DGLUCY: variants seen among roughly 807,000 people sequenced by gnomAD.
DGLUCY encodes D-glutamate cyclase, mitochondrial.
DGLUCY carries 58 observed loss-of-function variants against 58.5 expected under a neutral mutation model. That is an observed-to-expected ratio of 0.99 (90% CI 0.80 to 1.23). The LOEUF (loss-of-function observed/expected upper bound fraction) is 1.23, where lower values mean the gene tolerates loss of function less well. Ranked by LOEUF, DGLUCY falls within the 50% of genes most tolerant of loss-of-function variation. DGLUCY has a pLI of 0.00. For missense variants in DGLUCY, 779 were observed against 784.7 expected, an observed-to-expected ratio of 0.99 and a Z score of 0.09; for synonymous variants, 325 against 314.1, an observed-to-expected ratio of 1.03 and a Z score of -0.37.
chr14:91,180,767 G>A (rs552853477), intron 7 of DGLUCY, among the ~76,000 whole-genome samples: 4 of 152,150 alleles, frequency 2.6e-5, no homozygotes, highest in Admixed American at 6.6e-5. Flanking sequence ...AAATAGAAAC[G>A]ATGCCATAAG....
At chr14:91,072,863 G>A (rs922913031) in intron 1 of DGLUCY, among the ~76,000 whole-genome samples, 2 of 151,948 alleles carry the variant, frequency 1.3e-5, no homozygotes. Context: ...CAAAAAATTA[G>A]CTGGGCACGG....
rs1178838202 is a variant in DGLUCY, at chr14:91,147,150, T to C, written c.-81-10489T>C. On this transcript the variant is annotated intron_variant, in intron 1 of 13. Coordinates refer to ENST00000256324, the MANE Select transcript of DGLUCY (RefSeq NM_001102368.3). The stretch of plus-strand genomic sequence containing the variant: ...TTGCCTTTGCCTAGTGAAGCAATTA[T>C]CTTGGCCAACAGTGACCTCAAAAGT... 2.0e-5 allele frequency among the ~76,000 whole-genome samples: 3 copies of C among 152,220 alleles called. No homozygotes were observed. In the East Asian group the frequency reaches 5.8e-4, roughly 29 times the overall value.
At chr14:91,211,025 A>G (rs1885602308) in intron 12 of DGLUCY, among the ~76,000 whole-genome samples, 1 of 152,256 alleles carries the variant, frequency 6.6e-6, no homozygotes, top group African/African-American at 2.4e-5. Context: ...TGCAAGATAC[A>G]AAGTTAAATA....
At chr14:91,070,408 AAC>A (rs1286529064) in intron 1 of DGLUCY, among the ~76,000 whole-genome samples, 2 of 152,194 alleles carry the variant, frequency 1.3e-5, no homozygotes, top group Non-Finnish European at 2.9e-5. Context: ...CAGATTTGGA[AAC>A]ACACTAAAGT....
At chr14:91,068,894 A>G (rs2043870728) in intron 1 of DGLUCY, among the ~76,000 whole-genome samples, 1 of 152,228 alleles carries the variant, frequency 6.6e-6, no homozygotes, top group South Asian at 2.1e-4. Context: ...GAGTCAATGT[A>G]CAGTGCCTAC....
intron 1 of DGLUCY, among the ~76,000 whole-genome samples, chr14:91,084,450 C>A (rs767184792): frequency 6.6e-6 from 1 of 152,052 alleles, no homozygotes; most frequent in Non-Finnish European, 1.5e-5. Context: ...AGTGACCCAC[C>A]CATCTTGGCC....
chr14:91,069,795 G>T (rs2043885224), intron 1 of DGLUCY, among the ~76,000 whole-genome samples: 1 of 129,372 alleles, frequency 7.7e-6, no homozygotes. Context: ...ATAATGATAT[G>T]CCTCTTTTTT....
Position 91,215,417 on chromosome 14 carries a change from G to A in DGLUCY, c.1577G>A (p.Trp526Ter), listed in dbSNP as rs768309730. ...DFAVIAGVSNWGGYALACALY... is the reference protein window; with the variant it reads ...DFAVIAGVSN ...TTTGCTGTTCTAGGTGTTTCTAACT[G>A]GGGAGGCTATGCCCTGGCCTGCGCA... The change falls in exon 13 of 14, where the codon TGG becomes TAG. Residue 526 changes from tryptophan (W) to a stop codon, truncating the protein, a stop_gained. Coordinates refer to ENST00000256324, the MANE Select transcript of DGLUCY (RefSeq NM_001102368.3). LOFTEE classifies it high-confidence loss of function. The A allele has an allele frequency of 6.2e-7, 1 of 1,604,842 alleles. No homozygotes were observed. The highest frequency in any genetic ancestry group is 8.5e-7 in the Non-Finnish European group (1 of 1,173,398).
chr14:91,080,590 C>T (rs1275582543), intron 1 of DGLUCY, among the ~76,000 whole-genome samples: 1 of 152,068 alleles, frequency 6.6e-6, no homozygotes, highest in African/African-American at 2.4e-5. Context: ...AGGCTGTTCT[C>T]GAACTCCTGA....
chr14:91,111,564 A>G (rs892555838), upstream of DGLUCY, among the ~76,000 whole-genome samples: 5 of 152,154 alleles, frequency 3.3e-5, no homozygotes, highest in African/African-American at 1.2e-4. Flanking sequence ...TACAGGCATG[A>G]GTCACTGTGC....
chr14:91,129,570 T>C (rs2045915024), intron 1 of DGLUCY, among the ~76,000 whole-genome samples: 1 of 149,418 alleles, frequency 6.7e-6, no homozygotes, highest in African/African-American at 2.5e-5. Flanking sequence ...ACCCCTTCAC[T>C]ACAAAATTAA....
At chr14:91,212,659 G>A (rs183538606) in intron 12 of DGLUCY, among the ~76,000 whole-genome samples, 1,639 of 151,946 alleles carry the variant, frequency 0.011, 19 homozygotes, top group Admixed American at 0.024. Context: ...CTATGATTGC[G>A]CCACTGCACT....
intron 1 of DGLUCY, among the ~76,000 whole-genome samples, chr14:91,085,587 T>C: frequency 6.7e-6 from 1 of 149,920 alleles, no homozygotes; most frequent in African/African-American, 2.5e-5. Context: ...TTAGTATGTG[T>C]GTGACGGAGT....
intron 9 of DGLUCY, among the ~76,000 whole-genome samples, chr14:91,192,719 G>A (rs1017697249): frequency 2.6e-5 from 4 of 152,150 alleles, no homozygotes; most frequent in Non-Finnish European, 2.9e-5. Context: ...CACAAGAATC[G>A]CTTGAACCCT....
chr14:91,221,455 A>T (rs1342725063), intron 13 of DGLUCY, among the ~76,000 whole-genome samples: 1 of 150,928 alleles, frequency 6.6e-6, no homozygotes, highest in Non-Finnish European at 1.5e-5. Flanking sequence ...TGGGTGATGG[A>T]TGTATGGGTG....
intron 13 of DGLUCY, among the ~76,000 whole-genome samples, chr14:91,219,201 T>G (rs967520491): frequency 6.6e-6 from 1 of 150,880 alleles, no homozygotes; most frequent in African/African-American, 2.4e-5. Flanking sequence ...AAAAAAAAAT[T>G]TTGAAAAAAG....
upstream of DGLUCY, among the ~76,000 whole-genome samples, chr14:91,113,882 T>G (rs1380395603): frequency 6.6e-6 from 1 of 152,248 alleles, no homozygotes; most frequent in Admixed American, 6.5e-5. Context: ...CATCTGCATT[T>G]CTGGGTCTGT....
chr14:91,217,631 CCT>C, intron 13 of DGLUCY, among the ~76,000 whole-genome samples: 1 of 150,682 alleles, frequency 6.6e-6, no homozygotes, highest in South Asian at 2.1e-4. Flanking sequence ...ATTACAGGTG[CCT>C]GCCACCATGC....
At chr14:91,185,313 T>C (rs2049446223) in intron 8 of DGLUCY, among the ~76,000 whole-genome samples, 1 of 130,232 alleles carries the variant, frequency 7.7e-6, no homozygotes. Flanking sequence ...GACAGGTTCT[T>C]GTTCTGTCCT....
Sources: allele counts gnomAD v4.1 joint callset (sites outside exome capture counted in the v4.1 genomes callset), GRCh38; gene constraint gnomAD v4.1.1; transcripts MANE v1.5; gene names NCBI Gene and HGNC (gene_info 2026-07-23, HGNC 2026-07-21).